Variants in PTPRD observed in about 807,000 individuals in gnomAD.
PTPRD encodes protein tyrosine phosphatase receptor type D.
In PTPRD, 34 loss-of-function variants were observed where a neutral mutation model predicts 214.5. That is an observed-to-expected ratio of 0.16 (90% CI 0.12 to 0.21). The LOEUF is 0.21. PTPRD is among the 10% of genes least tolerant of loss of function. The pLI, the probability that PTPRD is intolerant of heterozygous loss-of-function variation, is 1.00. For missense variants in PTPRD, 2,545 were observed against 2,398.7 expected (o/e 1.06, Z -1.27); for synonymous variants, 1,128 against 845.7 (o/e 1.33, Z -5.79).
intron 9 of PTPRD, among the ~76,000 whole-genome samples, chr9:9,329,690 A>C (rs904354146): frequency 1.8e-4 from 27 of 152,212 alleles, no homozygotes; most frequent in Non-Finnish European, 3.4e-4. Flanking sequence ...TTGTTACAAC[A>C]AACTAGATGA....
At chr9:9,355,974 C>A (rs1314158688) in intron 9 of PTPRD, among the ~76,000 whole-genome samples, 6 of 151,340 alleles carry the variant, frequency 4.0e-5, no homozygotes, top group East Asian at 3.9e-4. Flanking sequence ...TAAGATTAAA[C>A]AAAATGGGTC....
At chr9:9,084,387 C>T (rs1448706471) in intron 10 of PTPRD, among the ~76,000 whole-genome samples, 1 of 152,094 alleles carries the variant, frequency 6.6e-6, no homozygotes, top group East Asian at 1.9e-4. Context: ...GAACATCACA[C>T]ACACCAGGGC....
At chr9:8,771,327 G>C (rs7034778) in intron 11 of PTPRD, among the ~76,000 whole-genome samples, 61,960 of 152,014 alleles carry the variant, frequency 0.41, 15,343 homozygotes, top group South Asian at 0.54. Flanking sequence ...ATGTATGCAA[G>C]TCCGTGTACA....
At chr9:10,033,536 CTAGAG>C (rs2097123233) in intron 4 of PTPRD, among the ~76,000 whole-genome samples, 177 bp downstream of exon 4, 1 of 151,672 alleles carries the variant, frequency 6.6e-6, no homozygotes, top group Non-Finnish European at 1.5e-5. Flanking sequence ...ACTCCTATTA[CTAGAG>C]TAATTAAAAA....
At chr9:9,248,092 T>C (rs186688835) in intron 9 of PTPRD, among the ~76,000 whole-genome samples, 6 of 151,920 alleles carry the variant, frequency 3.9e-5, no homozygotes, top group Admixed American at 3.9e-4. Context: ...AGTTATCTAT[T>C]ATTATTTTTT....
chr9:9,825,004 C>T lies in PTPRD; in HGVS notation c.-367-58153G>A, dbSNP rs2052215198. Among the ~76,000 whole-genome samples the T allele has an allele frequency of 2.0e-5, 3 of 151,984 alleles. No homozygotes were observed. In the South Asian group the frequency reaches 6.2e-4, roughly 31 times the overall value. On this transcript the variant is annotated intron_variant, in intron 5 of 45. Coordinates refer to ENST00000381196, the MANE Select transcript of PTPRD (RefSeq NM_002839.4). ...GAAATCTTGCACAATTGAACTAATCCATCTGAGTGTCAGTTTCTTATTTGT... is the reference window on the plus strand; with the variant it reads ...GAAATCTTGCACAATTGAACTAATCTATCTGAGTGTCAGTTTCTTATTTGT...
chr9:9,128,234 T>C (rs972351146), intron 10 of PTPRD, among the ~76,000 whole-genome samples: 1 of 152,214 alleles, frequency 6.6e-6, no homozygotes, highest in African/African-American at 2.4e-5. Context: ...TGTTAATAGG[T>C]CTTTCTAAAT....
At chr9:8,746,965 T>C (rs375372129) in intron 11 of PTPRD, among the ~76,000 whole-genome samples, 1 of 151,938 alleles carries the variant, frequency 6.6e-6, no homozygotes, top group Non-Finnish European at 1.5e-5. Context: ...AAGCCAGGAG[T>C]GTGGCTGGCA....
At chr9:9,519,134 T>C (rs190905593) in intron 8 of PTPRD, among the ~76,000 whole-genome samples, 218 of 151,990 alleles carry the variant, frequency 1.4e-3, no homozygotes, top group Non-Finnish European at 1.7e-3. Context: ...ACAATGAAAA[T>C]GTATAAATAT....
intron 12 of PTPRD, among the ~76,000 whole-genome samples, chr9:8,651,441 C>T (rs2096805746): frequency 6.6e-6 from 1 of 152,160 alleles, no homozygotes; most frequent in African/African-American, 2.4e-5. Context: ...CGGAACCTGG[C>T]ACACGGATAG....
intron 3 of PTPRD, among the ~76,000 whole-genome samples, chr9:10,178,283 G>A (rs1225090597): frequency 3.3e-5 from 5 of 151,946 alleles, no homozygotes; most frequent in East Asian, 1.9e-4. Flanking sequence ...TCTAGGGCCC[G>A]GGATATTGTT....
rs2138898632 is a variant in PTPRD at position 8,521,470 on chromosome 9, G to C, written c.768C>G (p.Thr256=). The change falls in exon 20 of 46, where the codon ACC becomes ACG. Residue 256 remains threonine (T), a synonymous_variant. Transcript: ENST00000381196. The stretch of plus-strand genomic sequence containing the variant: ...GCATTGGTGACCCCACGGCCACACA[G>C]GTGATATTAACGCTTCCGCCTGGCA... The part of the protein sequence containing the change: ...EIMPGGSVNI[T]CVAVGSPMPY... 1.2e-6 allele frequency: 2 copies of C among 1,613,990 alleles called. No homozygotes were observed. The highest frequency in any genetic ancestry group is 1.7e-6 in the Non-Finnish European group (2 of 1,179,930).
chr9:9,155,028 T>G (rs904261744), intron 10 of PTPRD, among the ~76,000 whole-genome samples: 6 of 152,180 alleles, frequency 3.9e-5, no homozygotes, highest in African/African-American at 1.4e-4. Flanking sequence ...TACAATATGA[T>G]GAATGCAGAA....
At chr9:8,524,140 G>C (rs1286499443) in intron 18 of PTPRD, among the ~76,000 whole-genome samples, 3 of 151,916 alleles carry the variant, frequency 2.0e-5, no homozygotes, top group Admixed American at 2.0e-4. Flanking sequence ...CTTCTTTCTA[G>C]TTGAATGGAA....
At chr9:9,538,984 G>A (rs2077048688) in intron 8 of PTPRD, among the ~76,000 whole-genome samples, 1 of 151,834 alleles carries the variant, frequency 6.6e-6, no homozygotes, top group South Asian at 2.1e-4. Context: ...TGATAGAGCA[G>A]TAAGTAAGAC....
rs541226460 is a variant in PTPRD at position 10,545,562 on chromosome 9, T to C, written c.-600+66836A>G. Among the ~76,000 whole-genome samples the C allele has an allele frequency of 2.0e-5, 3 of 152,280 alleles. No homozygotes were observed. The South Asian group carries it at 6.2e-4, about 32-fold the overall frequency. ...TGTATTTATTTTGATCCAGGTAATA[T>C]TGTCCTTCCATTCAAAGCATACCAT... On this transcript the variant is annotated intron_variant, in intron 2 of 45. Coordinates refer to ENST00000381196, the MANE Select transcript of PTPRD (RefSeq NM_002839.4).
chr9:8,769,066 C>T (rs1373685662), intron 11 of PTPRD, among the ~76,000 whole-genome samples: 1 of 152,102 alleles, frequency 6.6e-6, no homozygotes, highest in Non-Finnish European at 1.5e-5. Context: ...ATAACGCCAA[C>T]TTTTGTCAAT....
Position 8,370,502 on chromosome 9 carries a change from C to T in PTPRD, c.4661+5434G>A, listed in dbSNP as rs1474899867. ...TACTATTTTCTGGATTAAATGACTG[C>T]TCAGTAATACTTGGAAAACAGTAAT... On this transcript the variant is annotated intron_variant, in intron 39 of 45. Transcript: ENST00000381196. 1.3e-5 allele frequency among the ~76,000 whole-genome samples: 2 copies of T among 152,014 alleles called. 1 individual carries two copies. Among genetic ancestry groups the T allele is most frequent in the Non-Finnish European group, 2.9e-5 (2 of 67,994 alleles).
chr9:8,713,305 G>C (rs1390009319), intron 12 of PTPRD: 27 of 741,684 alleles, frequency 3.6e-5, no homozygotes, highest in Non-Finnish European at 6.2e-5. Context: ...GCGCGGAGAG[G>C]ACGCCATGAA....
Sources: gnomAD v4.1 joint callset for allele counts (sites outside exome capture counted in the v4.1 genomes callset) on GRCh38, gnomAD v4.1.1 for gene constraint, MANE v1.5 for transcripts, NCBI Gene and HGNC (gene_info 2026-07-23, HGNC 2026-07-21) for gene names.